ARB2A: variants seen among roughly 807,000 people sequenced by gnomAD.
ARB2A encodes the protein ARB2 cotranscriptional regulator A.
chr5:93,909,260 T>G, the ARB2A span, among the ~76,000 whole-genome samples: 20 of 151,174 alleles, frequency 1.3e-4, no homozygotes, highest in African/African-American at 4.6e-4. Flanking sequence ...AGAATAACAG[T>G]TAGTAATTTT....
At chr5:93,629,064 G>C in the ARB2A span, among the ~76,000 whole-genome samples, 3 of 152,178 alleles carry the variant, frequency 2.0e-5, no homozygotes, top group African/African-American at 7.2e-5. Context: ...TGGAAAGTGA[G>C]AGATGTGAGA....
chr5:94,035,908 G>A, the ARB2A span, among the ~76,000 whole-genome samples: 1 of 152,090 alleles, frequency 6.6e-6, no homozygotes, highest in South Asian at 2.1e-4. Flanking sequence ...ACCTAATGTA[G>A]ATGACAGGTT....
chr5:94,070,749 C>T, the ARB2A span, among the ~76,000 whole-genome samples: 1 of 151,096 alleles, frequency 6.6e-6, no homozygotes, highest in Non-Finnish European at 1.5e-5. Context: ...AGAACACAAA[C>T]AAAAAAAGGG....
chr5:93,950,323 C>A, the ARB2A span, among the ~76,000 whole-genome samples: 1 of 152,070 alleles, frequency 6.6e-6, no homozygotes, highest in African/African-American at 2.4e-5. Context: ...ACTAATTTAC[C>A]TTTCTACCAA....
chr5:93,724,287 A>T, the ARB2A span, among the ~76,000 whole-genome samples: 1 of 152,052 alleles, frequency 6.6e-6, no homozygotes, highest in African/African-American at 2.4e-5. Flanking sequence ...TACAAAAGGG[A>T]ATCTTTAAAC....
chr5:94,063,979 C>T, the ARB2A span, among the ~76,000 whole-genome samples: 6 of 151,966 alleles, frequency 3.9e-5, 1 homozygote. Context: ...AGCACAATAA[C>T]TCTCTGGCAA....
the ARB2A span, among the ~76,000 whole-genome samples, chr5:93,836,268 C>T: frequency 6.6e-6 from 1 of 152,134 alleles, no homozygotes; most frequent in East Asian, 1.9e-4. Flanking sequence ...ACCTCATGAT[C>T]CGCCCACCTC....
chr5:93,861,911 T>A, the ARB2A span: 1 of 152,210 alleles, frequency 6.6e-6, no homozygotes, highest in Non-Finnish European at 1.5e-5. Context: ...ACTGGATTTA[T>A]AATATAAAGT....
the ARB2A span, among the ~76,000 whole-genome samples, chr5:94,094,869 A>T: frequency 4.7e-4 from 72 of 152,290 alleles, no homozygotes; most frequent in Non-Finnish European, 9.0e-4. Flanking sequence ...ATTCCCAGTT[A>T]CAGTTTATTA....
the ARB2A span, among the ~76,000 whole-genome samples, chr5:93,644,832 G>A: frequency 0.027 from 4,099 of 152,210 alleles, 166 homozygotes; most frequent in African/African-American, 0.093. Flanking sequence ...AGCAGTTAAT[G>A]CAACAGATAA....
the ARB2A span, chr5:94,074,828 A>C: frequency 8.6e-7 from 1 of 1,158,100 alleles, no homozygotes; most frequent in African/African-American, 1.5e-5. Context: ...TTCCACGAGA[A>C]CTTCCTTGAT....
At chr5:93,620,881 G>A in the ARB2A span, 1 of 1,473,950 alleles carries the variant, frequency 6.8e-7, no homozygotes, top group East Asian at 2.4e-5. Flanking sequence ...CTGGGCTCTG[G>A]GAAGAAAACA....
the ARB2A span, among the ~76,000 whole-genome samples, chr5:93,903,709 CTGTGTGTGTG>C: frequency 8.3e-5 from 12 of 144,444 alleles, no homozygotes; most frequent in East Asian, 6.1e-4. Flanking sequence ...TTCTATATAT[CTGTGTGTGTG>C]TGTGTGTGTG....
At chr5:93,887,779 A>G in the ARB2A span, among the ~76,000 whole-genome samples, 2 of 151,922 alleles carry the variant, frequency 1.3e-5, no homozygotes, top group South Asian at 2.1e-4. Flanking sequence ...AATTAGATGC[A>G]GAATACTGTG....
chr5:93,830,312 T>TGTATGTGTGTGTAC, the ARB2A span, among the ~76,000 whole-genome samples: 9 of 43,278 alleles, frequency 2.1e-4, no homozygotes, highest in African/African-American at 1.6e-3. Flanking sequence ...TGTGTGTGTG[T>TGTATGTGTGTGTAC]ATATATATAT....
the ARB2A span, among the ~76,000 whole-genome samples, chr5:93,927,040 A>G: frequency 5.3e-5 from 7 of 131,930 alleles, no homozygotes; most frequent in Admixed American, 7.4e-5. Flanking sequence ...AATGTGCCAG[A>G]AAAAAAAAAA....
the ARB2A span, among the ~76,000 whole-genome samples, chr5:93,724,505 A>T: frequency 6.6e-6 from 1 of 152,046 alleles, no homozygotes; most frequent in Non-Finnish European, 1.5e-5. Flanking sequence ...CTTTCTTATC[A>T]CTTATTGCAA....
chr5:94,021,016 A>G, the ARB2A span, among the ~76,000 whole-genome samples: 1 of 152,186 alleles, frequency 6.6e-6, no homozygotes, highest in African/African-American at 2.4e-5. Context: ...TGTTCTGTAC[A>G]TGTATCCCAG....
At chr5:93,620,749 A>G in the ARB2A span, 2 of 417,934 alleles carry the variant, frequency 4.8e-6, no homozygotes, top group Non-Finnish European at 8.2e-6. Flanking sequence ...GTGAGCGCTG[A>G]CTGGCAGCGC....
Sources: gnomAD v4.1 joint callset for allele counts (sites outside exome capture counted in the v4.1 genomes callset) on GRCh38, gnomAD v4.1.1 for gene constraint, MANE v1.5 for transcripts, NCBI Gene and HGNC (gene_info 2026-07-23, HGNC 2026-07-21) for gene names.